The following ANKS1A variants were observed in gnomAD, a reference collection of about 807,000 sequenced individuals.
ANKS1A encodes ankyrin repeat and sterile alpha motif domain containing 1A.
Under a neutral mutation model 120.3 loss-of-function variants are expected in ANKS1A, and 55 were observed. The observed-to-expected ratio is 0.46, with a 90% CI of 0.37 to 0.57. The LOEUF is 0.57. Ranked by LOEUF, ANKS1A falls within the 20% of genes least tolerant of loss-of-function variation. The pLI, the probability that ANKS1A is intolerant of heterozygous loss-of-function variation, is 0.00. For missense variants in ANKS1A, 1,123 were observed against 1,480.3 expected (o/e 0.76, Z 3.96); for synonymous variants, 590 against 604.7 (o/e 0.98, Z 0.36).
intron 10 of ANKS1A, among the ~76,000 whole-genome samples, chr6:35,006,308 C>A (rs1214124099): frequency 6.9e-6 from 1 of 145,504 alleles, no homozygotes; most frequent in African/African-American, 2.6e-5. Flanking sequence ...TTTTGAGGCT[C>A]TGTCTCAAAA....
At position 35,085,831 on chromosome 6, in the gene ANKS1A, G is replaced by T; in HGVS notation, c.3198G>T (p.Leu1066=). The change falls in exon 22 of 24, where the codon CTG becomes CTT. Residue 1066 remains leucine, a synonymous_variant. Coordinates refer to ENST00000360359, the MANE Select transcript of ANKS1A (RefSeq NM_015245.3). This position sits in a 1 kb window ranked among gnomAD's most constrained non-coding sequence, Gnocchi z 4.7. ...TCGAAGTGGCCTATCAGTTGGCCCT[G>T]CAGGCCCAGAAGTCCAGGGCGACGG... ...QAFEVAYQLA[L]QAQKSRATGA... is the part of the protein sequence containing the mutation. 1 of 1,613,482 alleles carries T rather than the reference G, an allele frequency of 6.2e-7. No individual in the cohort carries two copies. Among genetic ancestry groups the T allele is most frequent in the Non-Finnish European group, 8.5e-7 (1 of 1,179,754 alleles).
chr6:34,960,646 G>C (rs2127500572), intron 1 of ANKS1A, among the ~76,000 whole-genome samples: 1 of 152,274 alleles, frequency 6.6e-6, no homozygotes, highest in African/African-American at 2.4e-5. Flanking sequence ...GGCCTCACCA[G>C]TCATATTCTT....
intron 1 of ANKS1A, among the ~76,000 whole-genome samples, chr6:34,906,051 G>A (rs1767631203): frequency 6.6e-6 from 1 of 152,080 alleles, no homozygotes; most frequent in Non-Finnish European, 1.5e-5. Flanking sequence ...AGTGCCCCTC[G>A]GGGATCTTCT....
chr6:35,070,484 CTTTTTTTTTTTTT>C (rs869249276), intron 13 of ANKS1A, among the ~76,000 whole-genome samples: 3 of 62,970 alleles, frequency 4.8e-5, no homozygotes, highest in South Asian at 8.3e-4. Flanking sequence ...AAGCCTTTAT[CTTTTTTTTTTTTT>C]TTTTTTTTTT....
intron 13 of ANKS1A, among the ~76,000 whole-genome samples, chr6:35,067,032 C>A (rs1176085528): frequency 6.6e-6 from 1 of 152,212 alleles, no homozygotes. Flanking sequence ...AGCAGCTGAA[C>A]CGGGATTGGA....
intron 11 of ANKS1A, among the ~76,000 whole-genome samples, chr6:35,052,506 C>T (rs564250764): frequency 1.9e-4 from 28 of 146,600 alleles, no homozygotes; most frequent in Non-Finnish European, 2.2e-4. Flanking sequence ...TACCTGTCGT[C>T]GTCGTCTTAG....
intron 11 of ANKS1A, among the ~76,000 whole-genome samples, chr6:35,018,804 A>G (rs1328309760): frequency 6.6e-6 from 1 of 152,018 alleles, no homozygotes; most frequent in Non-Finnish European, 1.5e-5. Flanking sequence ...TCCTGTGTTA[A>G]TTCACTCAGG....
intron 10 of ANKS1A, among the ~76,000 whole-genome samples, chr6:35,016,935 C>CTTTTT (rs558659921): frequency 3.8e-4 from 33 of 87,340 alleles, no homozygotes; most frequent in African/African-American, 4.0e-4. Context: ...ATCATGACCT[C>CTTTTT]TTTTTTTTTT....
intron 11 of ANKS1A, among the ~76,000 whole-genome samples, chr6:35,039,888 G>C (rs559624939): frequency 6.6e-6 from 1 of 152,246 alleles, no homozygotes; most frequent in Admixed American, 6.5e-5. Context: ...GGAAGTCCAA[G>C]ATCATGGTGC....
chr6:35,076,062 G>C (rs977645623), intron 13 of ANKS1A, among the ~76,000 whole-genome samples: 2 of 152,114 alleles, frequency 1.3e-5, no homozygotes, highest in Non-Finnish European at 2.9e-5. Context: ...ATTGCACCTG[G>C]CCAATTTTCT....
chr6:34,988,321 G>T (rs545553854), intron 8 of ANKS1A, among the ~76,000 whole-genome samples: 2 of 152,338 alleles, frequency 1.3e-5, no homozygotes, highest in African/African-American at 4.8e-5. Flanking sequence ...GATGGGCTGG[G>T]CACGGTGGCT....
In ANKS1A at chr6:35,058,882, C is replaced by G. The variant is rs986123486; in HGVS notation, c.2078-1265C>G. ...GCACCACCAAAATCCCCATGCTGAT[C>G]GAGGAGCAAATAGATGTCCTCCCTT... is the stretch of plus-strand genomic sequence containing the variant. On this transcript the variant is annotated intron_variant, in intron 12 of 23. Coordinates refer to ENST00000360359, the MANE Select transcript of ANKS1A (RefSeq NM_015245.3). This position sits in a 1 kb window ranked among gnomAD's most constrained non-coding sequence, Gnocchi z 5.1. 6.6e-6 allele frequency among the ~76,000 whole-genome samples: 1 copy of G among 152,178 alleles called. No homozygotes were observed. The highest frequency in any genetic ancestry group is 1.5e-5 in the Non-Finnish European group (1 of 68,028).
intron 11 of ANKS1A, among the ~76,000 whole-genome samples, chr6:35,032,968 G>C (rs1259838530): frequency 3.3e-5 from 5 of 152,134 alleles, no homozygotes; most frequent in African/African-American, 1.2e-4. Flanking sequence ...CGGAAAGGGG[G>C]AGATGAATTT....
chr6:35,030,437 A>G lies in ANKS1A; in HGVS notation c.2010+12378A>G, dbSNP rs149635624. 5.9e-3 allele frequency among the ~76,000 whole-genome samples: 906 copies of G among 152,328 alleles called. 7 individuals carry two copies. Among genetic ancestry groups the G allele is most frequent in the African/African-American group, 0.021 (854 of 41,578 alleles). Reference sequence around the variant, plus strand: ...GAGGTGATGATTTCTGGCAAATTCTAAAATTTGGAATTTGGAAGGAATCCT... The same window carrying G: ...GAGGTGATGATTTCTGGCAAATTCTGAAATTTGGAATTTGGAAGGAATCCT... On this transcript the variant is annotated intron_variant, in intron 11 of 23. Transcript: ENST00000360359.
chr6:34,994,343 G>A lies in ANKS1A; in HGVS notation c.1344G>A (p.Arg448=). ...MRPRIHGSAA[R]EEDEHPYELL... ...CTAGGATTCATGGGAGTGCAGCCCG[G>A]GAAGAAGACGAACACCCTTATGAAC... is the stretch of plus-strand genomic sequence containing the variant. Residue 448 remains arginine (R), a synonymous_variant, in exon 10 of 24, where the codon CGG becomes CGA. Coordinates refer to ENST00000360359, the MANE Select transcript of ANKS1A (RefSeq NM_015245.3). The A allele has an allele frequency of 6.2e-7, 1 of 1,613,718 alleles. No homozygotes were observed. The highest frequency in any genetic ancestry group is 8.5e-7 in the Non-Finnish European group (1 of 1,179,708).
At chr6:34,917,656 A>G (rs572429902) in intron 1 of ANKS1A, among the ~76,000 whole-genome samples, 1 of 152,184 alleles carries the variant, frequency 6.6e-6, no homozygotes, top group Non-Finnish European at 1.5e-5. Flanking sequence ...TGGACAGGAA[A>G]GACATCCTGT....
intron 10 of ANKS1A, among the ~76,000 whole-genome samples, chr6:35,016,935 C>CTTTTTTTTTTTTT (rs558659921): frequency 1.1e-5 from 1 of 87,380 alleles, no homozygotes; most frequent in African/African-American, 4.0e-5. Context: ...ATCATGACCT[C>CTTTTTTTTTTTTT]TTTTTTTTTT....
chr6:35,087,008 T>C lies in ANKS1A; in HGVS notation c.3360T>C (p.Val1120=). The C allele has an allele frequency of 1.2e-6, 2 of 1,614,190 alleles. No individual in the cohort carries two copies. ...DAQSHASVSW[V]VDPKPDSKRS... Reference sequence around the variant, plus strand: ...AATCCCATGCCAGTGTCTCCTGGGTTGTGGACCCCAAACCAGACTCTAAGC... The same window carrying C: ...AATCCCATGCCAGTGTCTCCTGGGTCGTGGACCCCAAACCAGACTCTAAGC... Residue 1120 remains valine (V), a synonymous_variant, in exon 23 of 24, where the codon GTT becomes GTC. Transcript: ENST00000360359.
At chr6:35,059,070 G>A (rs2127590378) in intron 12 of ANKS1A, among the ~76,000 whole-genome samples, 1 of 152,288 alleles carries the variant, frequency 6.6e-6, no homozygotes, top group South Asian at 2.1e-4. Flanking sequence ...TCTTTTATCT[G>A]GTTGGGTTTT....
Sources: gnomAD v4.1 joint callset for allele counts (sites outside exome capture counted in the v4.1 genomes callset) on GRCh38, gnomAD v4.1.1 for gene constraint, Gnocchi (gnomAD v3.1) non-coding constraint, MANE v1.5 for transcripts, NCBI Gene and HGNC (gene_info 2026-07-23, HGNC 2026-07-21) for gene names.